Variants in HS3ST4 observed in about 807,000 individuals in gnomAD.
HS3ST4 encodes the protein heparan sulfate glucosamine 3-O-sulfotransferase 4.
A neutral mutation model predicts 29.2 loss-of-function variants in HS3ST4; 17 were observed. The ratio of observed to expected loss-of-function variants is 0.58; its 90% CI spans 0.40 to 0.87. HS3ST4 has a LOEUF of 0.87. HS3ST4 is among the 40% of genes least tolerant of loss of function. HS3ST4 has a pLI of 0.00. For synonymous variants in HS3ST4, 314 were observed against 285.7 expected, an observed-to-expected ratio of 1.10 and a Z score of -1.00; for missense variants, 627 against 634.5, an observed-to-expected ratio of 0.99 and a Z score of 0.13.
chr16:25,937,765 A>G (rs536435313), intron 1 of HS3ST4, among the ~76,000 whole-genome samples: 1 of 152,358 alleles, frequency 6.6e-6, no homozygotes, highest in Admixed American at 6.5e-5. Flanking sequence ...CAGAATGTAC[A>G]GAGTATTTTT....
chr16:25,888,143 C>T (rs116274676), intron 1 of HS3ST4, among the ~76,000 whole-genome samples: 2 of 152,026 alleles, frequency 1.3e-5, no homozygotes, highest in African/African-American at 2.4e-5. Context: ...AGTTGGCCTC[C>T]GCAGAGCAAG....
intron 1 of HS3ST4, among the ~76,000 whole-genome samples, chr16:26,101,626 T>C (rs567443002): frequency 1.3e-5 from 2 of 152,382 alleles, no homozygotes; most frequent in South Asian, 2.1e-4. Flanking sequence ...GGATTCCTGA[T>C]ACATTTGGCA....
intron 1 of HS3ST4, among the ~76,000 whole-genome samples, chr16:26,131,388 C>G (rs1286201211): frequency 6.6e-6 from 1 of 152,200 alleles, no homozygotes; most frequent in African/African-American, 2.4e-5. Context: ...GCCCATAAGG[C>G]CCTCCATAGT....
chr16:26,064,764 T>A (rs1475140606), intron 1 of HS3ST4, among the ~76,000 whole-genome samples: 1 of 152,090 alleles, frequency 6.6e-6, no homozygotes. Context: ...ATCACAGGCA[T>A]GTGCCATCAC....
intron 1 of HS3ST4, among the ~76,000 whole-genome samples, chr16:26,104,222 C>T (rs147818062): frequency 6.6e-6 from 1 of 152,146 alleles, no homozygotes; most frequent in Non-Finnish European, 1.5e-5. Flanking sequence ...GTCAACCTAG[C>T]TAAGTCTGTC....
chr16:25,843,356 GC>G (rs34280741), intron 1 of HS3ST4, among the ~76,000 whole-genome samples: 1 of 152,122 alleles, frequency 6.6e-6, no homozygotes, highest in African/African-American at 2.4e-5. Context: ...CAGGGACGCT[GC>G]CCCTTTACAA....
At chr16:26,040,300 T>C (rs202201143) in intron 1 of HS3ST4, among the ~76,000 whole-genome samples, 55 of 146,606 alleles carry the variant, frequency 3.8e-4, no homozygotes, top group South Asian at 2.5e-3. Flanking sequence ...TTCTTTCTTT[T>C]TTTTTTTTTT....
At chr16:25,985,785 A>G (rs2141725128) in intron 1 of HS3ST4, among the ~76,000 whole-genome samples, 1 of 152,224 alleles carries the variant, frequency 6.6e-6, no homozygotes, top group Admixed American at 6.5e-5. Context: ...CGCTGGGCTC[A>G]AGTGATCCTC....
At chr16:25,722,657 C>T (rs906267373) in intron 1 of HS3ST4, among the ~76,000 whole-genome samples, 2 of 152,198 alleles carry the variant, frequency 1.3e-5, no homozygotes, top group Non-Finnish European at 2.9e-5. Context: ...CTTGAAAACA[C>T]AGGGCAGTGA....
chr16:25,768,258 A>C (rs1966834103), intron 1 of HS3ST4, among the ~76,000 whole-genome samples: 1 of 152,210 alleles, frequency 6.6e-6, no homozygotes, highest in African/African-American at 2.4e-5. Flanking sequence ...TCATCAGTGC[A>C]TACCCTTCCA....
intron 1 of HS3ST4, among the ~76,000 whole-genome samples, chr16:25,813,424 C>G (rs1043128196): frequency 6.6e-6 from 1 of 151,936 alleles, no homozygotes; most frequent in South Asian, 2.1e-4. Context: ...ATGGAGAAAC[C>G]CCGTCTCCAC....
At chr16:25,943,252 C>G (rs1402390943) in intron 1 of HS3ST4, among the ~76,000 whole-genome samples, 1 of 152,110 alleles carries the variant, frequency 6.6e-6, no homozygotes, top group Non-Finnish European at 1.5e-5. Flanking sequence ...AACAGGTGTT[C>G]CAACATGAAG....
chr16:26,131,811 T>C (rs920618829), intron 1 of HS3ST4, among the ~76,000 whole-genome samples: 2 of 152,186 alleles, frequency 1.3e-5, no homozygotes, highest in Non-Finnish European at 2.9e-5. Context: ...GCATTAGGAC[T>C]GGCCTACACT....
intron 1 of HS3ST4, among the ~76,000 whole-genome samples, chr16:26,100,356 T>C (rs1898976114): frequency 6.6e-6 from 1 of 152,196 alleles, no homozygotes; most frequent in Non-Finnish European, 1.5e-5. Context: ...AGAAAATTTG[T>C]GAATACGAAA....
chr16:25,804,019 A>T (rs1260756766), intron 1 of HS3ST4, among the ~76,000 whole-genome samples: 1 of 151,614 alleles, frequency 6.6e-6, no homozygotes, highest in Non-Finnish European at 1.5e-5. Flanking sequence ...GTAAATTCCA[A>T]CTCTGTCCCC....
chr16:26,092,703 C>G (rs1567310359), intron 1 of HS3ST4, among the ~76,000 whole-genome samples: 1 of 152,152 alleles, frequency 6.6e-6, no homozygotes, highest in African/African-American at 2.4e-5. Flanking sequence ...TTCTGCATTT[C>G]CAACTGAGGC....
At chr16:26,012,221 G>A (rs1322893468) in intron 1 of HS3ST4, among the ~76,000 whole-genome samples, 2 of 152,298 alleles carry the variant, frequency 1.3e-5, no homozygotes, top group East Asian at 3.9e-4. Flanking sequence ...CCACACATGT[G>A]GCATATGGGA....
intron 1 of HS3ST4, among the ~76,000 whole-genome samples, chr16:26,121,118 A>G (rs559264226): frequency 5.3e-5 from 8 of 152,244 alleles, no homozygotes; most frequent in African/African-American, 1.9e-4. Context: ...GAAGAAACTC[A>G]GGCTTGAGGC....
chr16:25,706,088 G>C (rs996310126), intron 1 of HS3ST4, among the ~76,000 whole-genome samples: 13 of 152,202 alleles, frequency 8.5e-5, no homozygotes, highest in African/African-American at 3.1e-4. Flanking sequence ...AGGGCAGACT[G>C]CGTAAAGATC....
Sources: gnomAD v4.1 joint callset for allele counts (sites outside exome capture counted in the v4.1 genomes callset) on GRCh38, gnomAD v4.1.1 for gene constraint, MANE v1.5 for transcripts, NCBI Gene and HGNC (gene_info 2026-07-23, HGNC 2026-07-21) for gene names.